ZNF106: variants seen among roughly 807,000 people sequenced by gnomAD.
ZNF106 encodes zinc finger protein 106, also known as SH3-domain binding protein 3.
A neutral mutation model predicts 195.1 loss-of-function variants in ZNF106; 67 were observed. The observed-to-expected ratio is 0.34, with a 90% confidence interval of 0.28 to 0.42. ZNF106 has a LOEUF of 0.42. Ranked by LOEUF, ZNF106 falls within the 10% of genes least tolerant of loss-of-function variation. The probability of loss-of-function intolerance (pLI) is 1.00; values close to 1 mark genes in which losing one functional copy is unlikely to be tolerated. For synonymous variants in ZNF106, 784 were observed against 818.6 expected (o/e 0.96, Z 0.72); for missense variants, 2,118 against 2,304.5 (o/e 0.92, Z 1.66).
chr15:42,460,636 A>G (rs1286990813), intron 3 of ZNF106, among the ~76,000 whole-genome samples: 1 of 152,298 alleles, frequency 6.6e-6, no homozygotes, highest in East Asian at 1.9e-4. Flanking sequence ...CGAGGCAGGC[A>G]GATCACCTGA....
chr15:42,460,959 CAAGAAACTTCAAAAAAAAACTTTAT>C (rs1477932540), intron 3 of ZNF106, among the ~76,000 whole-genome samples: 1 of 149,900 alleles, frequency 6.7e-6, no homozygotes, highest in Admixed American at 6.8e-5. Flanking sequence ...AGAAACTTTG[CAAGAAACTTCAAAAAAAAACTTTAT>C]AAGAAACTTC....
chr15:42,461,196 T>C (rs2056384618), intron 3 of ZNF106, among the ~76,000 whole-genome samples: 1 of 152,224 alleles, frequency 6.6e-6, no homozygotes, highest in African/African-American at 2.4e-5. Context: ...CAACATAGTG[T>C]TTGGGAAACC....
intron 14 of ZNF106, among the ~76,000 whole-genome samples, chr15:42,431,527 G>A (rs2055047624): frequency 6.6e-6 from 1 of 151,800 alleles, no homozygotes; most frequent in Non-Finnish European, 1.5e-5. Context: ...CTGAGTAGCT[G>A]GGATTACAGG....
intron 4 of ZNF106, among the ~76,000 whole-genome samples, chr15:42,452,857 T>C (rs1445454085): frequency 6.6e-6 from 1 of 151,870 alleles, no homozygotes; most frequent in Admixed American, 6.6e-5. Flanking sequence ...GGCTAATTTT[T>C]GTATTTTTAG....
intron 7 of ZNF106, 88 bp downstream of exon 7, chr15:42,446,501 C>T: frequency 1.0e-6 from 1 of 977,290 alleles, no homozygotes. Context: ...TGCTTGAGCC[C>T]AAGAGTTGGA....
At chr15:42,432,349 G>A (rs2055079304) in intron 14 of ZNF106, among the ~76,000 whole-genome samples, 1 of 151,326 alleles carries the variant, frequency 6.6e-6, no homozygotes, top group Admixed American at 6.6e-5. Context: ...TGTGGAGACG[G>A]GATCTCATTA....
intron 14 of ZNF106, among the ~76,000 whole-genome samples, chr15:42,433,071 C>A (rs1250072040): frequency 6.6e-6 from 1 of 152,050 alleles, no homozygotes. Context: ...CTCTATTTCT[C>A]CTTCTACCTT....
In ZNF106 at chr15:42,417,961, A is replaced by G. The variant is rs1157126851; in HGVS notation, c.5518-10T>C. ...GAGAGCAACCATGCCACTGGAGAGA[A>G]AGAAAATGAGGAGACTCGGTGAAAA... On this transcript the variant is annotated splice_polypyrimidine_tract_variant and intron_variant, in intron 20 of 21. Coordinates refer to ENST00000564754, the MANE Select transcript of ZNF106 (RefSeq NM_001366845.3). The G allele has an allele frequency of 3.1e-6, 5 of 1,609,662 alleles. No homozygotes were observed. The highest frequency in any genetic ancestry group is 4.5e-5 in the East Asian group (2 of 44,506).
At chr15:42,429,439 A>G (rs1488984045) in intron 14 of ZNF106, among the ~76,000 whole-genome samples, 1 of 151,570 alleles carries the variant, frequency 6.6e-6, no homozygotes, top group Non-Finnish European at 1.5e-5. Flanking sequence ...ACCCCGTCTC[A>G]ATTAAAAAAA....
rs1379820301 is a variant in ZNF106, at chr15:42,439,220, T to C, written c.4357A>G (p.Asn1453Asp). 1 of 1,614,180 alleles carries C rather than the reference T, an allele frequency of 6.2e-7. No individual in the cohort carries two copies. Among genetic ancestry groups the C allele is most frequent in the Admixed American group, 1.7e-5 (1 of 60,018 alleles). Residue 1453 changes from asparagine (N) to aspartate (D), a missense_variant, in exon 11 of 22, where the codon AAT (asparagine) becomes GAT (aspartate). Transcript: ENST00000564754. ...DSSLEVLEIPNPQLEVVAIDS... is the reference protein window; with the variant it reads ...DSSLEVLEIPDPQLEVVAIDS... ...ATGGCTACTACTTCTAACTGAGGAT[T>C]AGGAATTTCTAGGACTTCCAGAGAC...
intron 3 of ZNF106, among the ~76,000 whole-genome samples, chr15:42,464,522 C>CTT (rs928173954): frequency 0.042 from 4,797 of 113,462 alleles, 416 homozygotes; most frequent in African/African-American, 0.11. Context: ...ACACATGCTA[C>CTT]TTTTTTTTTT....
intron 2 of ZNF106, among the ~76,000 whole-genome samples, chr15:42,467,640 CA>C (rs75569226): frequency 2.0e-4 from 28 of 141,892 alleles, no homozygotes; most frequent in African/African-American, 1.8e-4. Context: ...ATACAAAATC[CA>C]AAAAAAAAAA....
At chr15:42,433,874 G>A (rs928577538) in intron 14 of ZNF106, among the ~76,000 whole-genome samples, 1 of 151,358 alleles carries the variant, frequency 6.6e-6, no homozygotes, top group Non-Finnish European at 1.5e-5. Context: ...TTTGAGGCAG[G>A]TTCTTGTTCT....
chr15:42,450,602 G>T lies in ZNF106; in HGVS notation c.1670C>A (p.Thr557Asn), dbSNP rs201408002. The T allele has an allele frequency of 1.4e-4, 225 of 1,614,032 alleles. No individual in the cohort carries two copies. The highest frequency in any genetic ancestry group is 1.8e-4 in the Non-Finnish European group (217 of 1,180,040). ...TAGCACCTCTTTGGCCTTTCGTAAA[G>T]TATCATTTAAATTATCACCAGATTG... ...QKQSGDNLNDTLRKAKEVLQC... is the reference protein window; with the variant it reads ...QKQSGDNLNDNLRKAKEVLQC... The change falls in exon 5 of 22, where the codon ACT (threonine) becomes AAT (asparagine). Residue 557 changes from threonine to asparagine, a missense_variant. By Grantham distance (65) the Thr-to-Asn change is moderately conservative. Coordinates refer to ENST00000564754, the MANE Select transcript of ZNF106 (RefSeq NM_001366845.3).
At chr15:42,441,975 T>G (rs1320252001) in intron 10 of ZNF106, 98 bp downstream of exon 10, 1 of 908,114 alleles carries the variant, frequency 1.1e-6, no homozygotes, top group Non-Finnish European at 1.7e-6. Context: ...TACTTGCTCA[T>G]TTTAGTTTTA....
intron 2 of ZNF106, among the ~76,000 whole-genome samples, chr15:42,469,461 CT>C (rs1732868238): frequency 1.3e-5 from 2 of 151,992 alleles, no homozygotes; most frequent in Non-Finnish European, 2.9e-5. Flanking sequence ...TAATCTTGTC[CT>C]AAATTTACAT....
At chr15:42,434,681 G>T (rs28602748) in intron 14 of ZNF106, among the ~76,000 whole-genome samples, 25,692 of 151,360 alleles carry the variant, frequency 0.17, 2,642 homozygotes, top group African/African-American at 0.29. Context: ...ATTTTCTCAT[G>T]TCTTTCAGTG....
chr15:42,474,971 A>G (rs534843336), intron 1 of ZNF106, among the ~76,000 whole-genome samples: 1 of 152,312 alleles, frequency 6.6e-6, no homozygotes, highest in African/African-American at 2.4e-5. Context: ...TACATTCCTT[A>G]GGAGATTTTA....
rs141170333 is a variant in ZNF106, at chr15:42,451,224, C to T, written c.1048G>A (p.Ala350Thr). Reference sequence around the variant, plus strand: ...CTAACTTTGGAAGTAGCAGTGTCTGCTTGTTTAGTGGTTTGGCTTTCCAGC... The same window carrying T: ...CTAACTTTGGAAGTAGCAGTGTCTGTTTGTTTAGTGGTTTGGCTTTCCAGC... ...EQLESQTTKQ[A>T]DTATSKVSGK... Residue 350 changes from alanine to threonine, a missense_variant, in exon 5 of 22, where the codon GCA becomes ACA. By Grantham distance (58) the Ala-to-Thr change is moderately conservative (BLOSUM62 0). Transcript: ENST00000564754. 335 of 1,614,006 alleles carry T rather than the reference C, an allele frequency of 2.1e-4. 1 individual carries two copies. The African/African-American group carries it at 2.4e-3, about 12-fold the overall frequency.
Sources: allele counts gnomAD v4.1 joint callset (sites outside exome capture counted in the v4.1 genomes callset), GRCh38; gene constraint gnomAD v4.1.1; transcripts MANE v1.5; gene names NCBI Gene and HGNC (gene_info 2026-07-23, HGNC 2026-07-21).